The following DROSHA variants were observed in gnomAD, a reference collection of about 807,000 sequenced individuals.
The protein encoded by DROSHA is drosha ribonuclease III.
DROSHA carries 56 observed loss-of-function variants against 181.9 expected under a neutral mutation model. The ratio of observed to expected loss-of-function variants is 0.31; its 90% CI spans 0.25 to 0.38. DROSHA has a LOEUF of 0.38. DROSHA is among the 10% of genes least tolerant of loss of function. DROSHA has a pLI of 1.00. For missense variants in DROSHA, 1,218 were observed against 1,743.5 expected (o/e 0.70, Z 5.37); for synonymous variants, 524 against 591.2 (o/e 0.89, Z 1.65).
At chr5:31,422,376 C>T (rs1415494171) in intron 29 of DROSHA, among the ~76,000 whole-genome samples, 1 of 152,156 alleles carries the variant, frequency 6.6e-6, no homozygotes. Context: ...AGCCCACGGA[C>T]TGTTTCTAAG....
intron 35 of DROSHA, among the ~76,000 whole-genome samples, chr5:31,404,139 ACT>A (rs1740374013): frequency 6.6e-6 from 1 of 151,670 alleles, no homozygotes; most frequent in Non-Finnish European, 1.5e-5. Flanking sequence ...AAGGGTATGA[ACT>A]TCTTTAAGGA....
intron 8 of DROSHA, among the ~76,000 whole-genome samples, chr5:31,512,777 G>A (rs1416018271): frequency 2.0e-5 from 3 of 152,138 alleles, no homozygotes; most frequent in African/African-American, 7.2e-5. Flanking sequence ...ACAGAGGAAG[G>A]GATCCACAAG....
chr5:31,528,983 A>G (rs1740907996), intron 4 of DROSHA, 57 bp downstream of exon 4: 1 of 1,605,732 alleles, frequency 6.2e-7, no homozygotes, highest in Non-Finnish European at 8.5e-7. Flanking sequence ...CCCAGCACCA[A>G]TGTCTGCTCC....
At position 31,401,296 on chromosome 5, in the gene DROSHA, C is replaced by T; in HGVS notation, c.*136G>A. The T allele has an allele frequency of 8.3e-7, 1 of 1,202,382 alleles. No homozygotes were observed. The highest frequency in any genetic ancestry group is 1.2e-6 in the Non-Finnish European group (1 of 824,378). 74.5% of individuals were successfully genotyped at this position (1,202,382 alleles called of 1,614,324 possible). A position where few individuals can be genotyped will look rare whatever the true frequency, so the allele number is the denominator to read the frequency against. Reference sequence around the variant, plus strand: ...AGCTAAAAACAGATCATTAAAACAACAATAGCGATTTGACTCTGTATTTTA... The same window carrying T: ...AGCTAAAAACAGATCATTAAAACAATAATAGCGATTTGACTCTGTATTTTA... On this transcript the variant is annotated 3_prime_UTR_variant, in exon 36 of 36. Transcript: ENST00000344624.
chr5:31,435,630 A>G (rs1744693657), intron 25 of DROSHA, 135 bp downstream of exon 25: 1 of 783,224 alleles, frequency 1.3e-6, no homozygotes, highest in Non-Finnish European at 2.0e-6. Context: ...ACCCAACAAA[A>G]AATACTTCCT....
chr5:31,465,049 A>AACT (rs1748849983), intron 19 of DROSHA, among the ~76,000 whole-genome samples: 1 of 151,902 alleles, frequency 6.6e-6, no homozygotes, highest in Non-Finnish European at 1.5e-5. Context: ...AAGTTCATGG[A>AACT]ACTACCTTTT....
intron 15 of DROSHA, among the ~76,000 whole-genome samples, chr5:31,484,485 C>CTAAGT (rs757734865): frequency 7.7e-5 from 3 of 38,950 alleles, no homozygotes; most frequent in Non-Finnish European, 1.6e-4. Context: ...CTAGTTCACT[C>CTAAGT]TAAGTGTCTG....
chr5:31,415,093 A>G (rs919330173), intron 30 of DROSHA, among the ~76,000 whole-genome samples: 1 of 152,222 alleles, frequency 6.6e-6, no homozygotes, highest in African/African-American at 2.4e-5. Context: ...TTAAACTTTC[A>G]TAAGAAAAAG....
At chr5:31,462,313 A>T (rs1010318183) in intron 20 of DROSHA, among the ~76,000 whole-genome samples, 3 of 152,174 alleles carry the variant, frequency 2.0e-5, no homozygotes, top group African/African-American at 7.2e-5. Flanking sequence ...GAATGGAAGC[A>T]TGGCTTCTAA....
rs146860049 is a variant in DROSHA at position 31,525,286 on chromosome 5, C to T, written c.854+793G>A. Among the ~76,000 whole-genome samples the T allele has an allele frequency of 1.3e-4, 19 of 144,406 alleles. No homozygotes were observed. In the East Asian group the frequency reaches 3.5e-3, roughly 27 times the overall value. The allele number at this position is 144,406 out of a possible 152,430, so 94.7% of individuals were successfully genotyped here. ...CAGAGGTTGTAGTGAGCCGAGACTG[C>T]GCCACTGCACTCCAGCCTAGGCAAC... On this transcript the variant is annotated intron_variant, in intron 5 of 35. Coordinates refer to ENST00000344624, the MANE Select transcript of DROSHA (RefSeq NM_001382508.1).
At chr5:31,507,499 C>T (rs1440404862) in intron 10 of DROSHA, among the ~76,000 whole-genome samples, 1 of 151,388 alleles carries the variant, frequency 6.6e-6, no homozygotes, top group Non-Finnish European at 1.5e-5. Context: ...TGGGACGCCC[C>T]TATAGTCCTA....
chr5:31,425,437 G>A lies in DROSHA; in HGVS notation c.3217-966C>T, dbSNP rs73075703. Among the ~76,000 whole-genome samples, 275 of 151,978 alleles carry A rather than the reference G, an allele frequency of 1.8e-3. 3 individuals carry two copies. Among genetic ancestry groups the A allele is most frequent in the African/African-American group, 6.4e-3 (265 of 41,472 alleles). On this transcript the variant is annotated intron_variant, in intron 27 of 35. Transcript: ENST00000344624. ...TCAGAAATCTTTCCTTTGAAATCTC[G>A]GTAGTGCAAATTATATTGATTGTTC...
At chr5:31,516,939 T>C (rs925647580) in intron 6 of DROSHA, among the ~76,000 whole-genome samples, 15 of 152,230 alleles carry the variant, frequency 9.9e-5, no homozygotes. Flanking sequence ...TGTCAGATTC[T>C]TTCCCAAATG....
chr5:31,478,672 T>G (rs1391309278), intron 16 of DROSHA, among the ~76,000 whole-genome samples: 1 of 152,100 alleles, frequency 6.6e-6, no homozygotes, highest in Non-Finnish European at 1.5e-5. Flanking sequence ...AGGCAGAGGT[T>G]GCAGTGAGCC....
chr5:31,435,147 A>C (rs1282559553), intron 25 of DROSHA, among the ~76,000 whole-genome samples: 3 of 152,228 alleles, frequency 2.0e-5, no homozygotes, highest in Non-Finnish European at 4.4e-5. Flanking sequence ...TGTTCTTATC[A>C]GCCATGATTT....
intron 2 of DROSHA, 143 bp from the exon 3 acceptor site, chr5:31,531,067 T>A (rs1741276160): frequency 5.1e-6 from 2 of 389,988 alleles, no homozygotes; most frequent in East Asian, 3.6e-5. Context: ...AATGAGCCCA[T>A]AAATGGGAAG....
chr5:31,405,767 C>CTTTTTTTTTTTT, intron 34 of DROSHA, 44 bp from the exon 35 acceptor site: 1 of 467,788 alleles, frequency 2.1e-6, no homozygotes, highest in East Asian at 4.9e-5. Context: ...TTTCAAGATT[C>CTTTTTTTTTTTT]TTTTTTTTTT....
At chr5:31,527,198 C>T (rs1210091726) in intron 4 of DROSHA, among the ~76,000 whole-genome samples, 1 of 152,178 alleles carries the variant, frequency 6.6e-6, no homozygotes, top group Non-Finnish European at 1.5e-5. Context: ...ACCAATTCAA[C>T]ATCCCATTGT....
At chr5:31,446,446 C>CAAAAAAAAAAAAAAAAAAAA (rs60001713) in intron 23 of DROSHA, among the ~76,000 whole-genome samples, 1 of 59,346 alleles carries the variant, frequency 1.7e-5, no homozygotes, top group African/African-American at 5.5e-5. Context: ...GACTCTGTCT[C>CAAAAAAAAAAAAAAAAAAAA]AAAAAAAAAA....
Sources: gnomAD v4.1 joint callset for allele counts (sites outside exome capture counted in the v4.1 genomes callset) on GRCh38, gnomAD v4.1.1 for gene constraint, MANE v1.5 for transcripts, NCBI Gene and HGNC (gene_info 2026-07-23, HGNC 2026-07-21) for gene names.